PAPPA2: variants seen among roughly 807,000 people sequenced by gnomAD.
PAPPA2 encodes pappalysin 2.
In PAPPA2, 86 loss-of-function variants were observed where a neutral mutation model predicts 176.4. That is an observed-to-expected ratio of 0.49 (90% CI 0.41 to 0.58). The LOEUF (loss-of-function observed/expected upper bound fraction) is 0.58. PAPPA2 is among the 20% of genes least tolerant of loss of function. The pLI is 0.00. For missense variants in PAPPA2, 2,073 were observed against 2,256.9 expected, an observed-to-expected ratio of 0.92 and a Z score of 1.65; for synonymous variants, 809 against 852.2, an observed-to-expected ratio of 0.95 and a Z score of 0.88.
At chr1:176,835,567 T>C (rs1470566732) in intron 21 of PAPPA2, among the ~76,000 whole-genome samples, 1 of 152,198 alleles carries the variant, frequency 6.6e-6, no homozygotes, top group East Asian at 1.9e-4. Context: ...TCACCCAGAC[T>C]GGAGTGCAAT....
chr1:176,553,283 G>A (rs1267050594), intron 1 of PAPPA2, among the ~76,000 whole-genome samples: 1 of 140,532 alleles, frequency 7.1e-6, no homozygotes, highest in Non-Finnish European at 1.6e-5. Context: ...GGGGCTGAGG[G>A]AGGGAGGGGG....
At chr1:176,683,816 G>T (rs897376447) in intron 4 of PAPPA2, among the ~76,000 whole-genome samples, 3 of 152,024 alleles carry the variant, frequency 2.0e-5, no homozygotes, top group African/African-American at 7.2e-5. Flanking sequence ...CCATAATGAG[G>T]CAAGATCCCT....
intron 3 of PAPPA2, among the ~76,000 whole-genome samples, chr1:176,624,041 A>G (rs1655867043): frequency 6.6e-6 from 1 of 152,016 alleles, no homozygotes; most frequent in Non-Finnish European, 1.5e-5. Flanking sequence ...CAGTTTTGCC[A>G]TGCTTTCCAG....
intron 3 of PAPPA2, chr1:176,616,664 A>G (rs753088460): frequency 4.5e-6 from 7 of 1,559,474 alleles, no homozygotes; most frequent in Non-Finnish European, 6.2e-6. Context: ...CTATTGTGGT[A>G]GCTCCATACT....
intron 21 of PAPPA2, chr1:176,836,713 T>G (rs1416660279): frequency 6.6e-6 from 1 of 152,176 alleles, no homozygotes; most frequent in Non-Finnish European, 1.5e-5. Flanking sequence ...AGCCAGCTCC[T>G]AAAAGCAGAT....
chr1:176,746,210 A>G (rs1398017012), intron 14 of PAPPA2, among the ~76,000 whole-genome samples: 5 of 152,188 alleles, frequency 3.3e-5, no homozygotes, highest in African/African-American at 9.7e-5. Context: ...GCTAGCTGGT[A>G]AAGAGAAATG....
At chr1:176,739,297 A>G (rs1238441745) in intron 12 of PAPPA2, among the ~76,000 whole-genome samples, 1 of 152,086 alleles carries the variant, frequency 6.6e-6, no homozygotes, top group African/African-American at 2.4e-5. Flanking sequence ...GCAGTCATTT[A>G]TTGTCTCTGG....
intron 1 of PAPPA2, among the ~76,000 whole-genome samples, chr1:176,555,008 A>T (rs1382932969): frequency 3.2e-3 from 415 of 130,034 alleles, no homozygotes; most frequent in African/African-American, 0.011. Flanking sequence ...TGTGAGAGAG[A>T]GAGAGAGAGA....
chr1:176,578,999 T>C (rs1468141921), intron 2 of PAPPA2, among the ~76,000 whole-genome samples: 1 of 152,038 alleles, frequency 6.6e-6, no homozygotes, highest in Non-Finnish European at 1.5e-5. Flanking sequence ...ATTCCCAGGG[T>C]GGATTATACT....
chr1:176,466,499 G>C (rs1270398102), intron 1 of PAPPA2, among the ~76,000 whole-genome samples: 2 of 152,212 alleles, frequency 1.3e-5, no homozygotes, highest in African/African-American at 4.8e-5. Flanking sequence ...TATATTATGT[G>C]AGATGAAAAG....
intron 12 of PAPPA2, among the ~76,000 whole-genome samples, chr1:176,729,744 A>G (rs1662044700): frequency 2.0e-5 from 3 of 152,118 alleles, no homozygotes; most frequent in Admixed American, 2.0e-4. Context: ...CACAAAATTC[A>G]AGAACTTGCT....
intron 21 of PAPPA2, among the ~76,000 whole-genome samples, chr1:176,820,251 T>C (rs1666604125): frequency 6.6e-6 from 1 of 152,208 alleles, no homozygotes; most frequent in African/African-American, 2.4e-5. Context: ...AGGTTCTCCA[T>C]AGCCTTTTCA....
chr1:176,520,268 C>T (rs964510024), intron 1 of PAPPA2, among the ~76,000 whole-genome samples: 3 of 152,182 alleles, frequency 2.0e-5, no homozygotes, highest in Admixed American at 2.0e-4. Context: ...AGAGACTGTA[C>T]CATGCTGGAG....
chr1:176,471,582 G>T (rs1447743259), intron 1 of PAPPA2, among the ~76,000 whole-genome samples: 1 of 152,108 alleles, frequency 6.6e-6, no homozygotes, highest in Non-Finnish European at 1.5e-5. Flanking sequence ...TTTTGTCCCA[G>T]TTGCAATTTC....
chr1:176,739,418 A>C (rs1662565953), intron 12 of PAPPA2, among the ~76,000 whole-genome samples: 1 of 152,168 alleles, frequency 6.6e-6, no homozygotes, highest in South Asian at 2.1e-4. Context: ...TCAGCATCTG[A>C]AAATTATCTT....
chr1:176,727,872 T>A (rs1391893092), intron 12 of PAPPA2, among the ~76,000 whole-genome samples: 1 of 151,972 alleles, frequency 6.6e-6, no homozygotes, highest in East Asian at 1.9e-4. Flanking sequence ...ATCTAGGTCA[T>A]TCCCAAATTA....
At chr1:176,600,772 G>C (rs1654275089) in intron 3 of PAPPA2, among the ~76,000 whole-genome samples, 1 of 151,946 alleles carries the variant, frequency 6.6e-6, no homozygotes, top group Non-Finnish European at 1.5e-5. Flanking sequence ...TGCTTTGCGA[G>C]TCATCTATTG....
At chr1:176,626,215 C>G (rs1030276808) in intron 3 of PAPPA2, among the ~76,000 whole-genome samples, 2 of 152,080 alleles carry the variant, frequency 1.3e-5, no homozygotes, top group Non-Finnish European at 2.9e-5. Flanking sequence ...CCCTCATATC[C>G]TAATTTTTCT....
Position 176,671,042 on chromosome 1 carries a change from T to G in PAPPA2, c.2064T>G (p.Phe688Leu). ...GTACTCACTTCCTCAACATCTACTT[T>G]GCCAGCTCAGTGCGGGAAGACCTTG... ...LNSTHFLNIY[F>L]ASSVREDLAG... The change falls in exon 4 of 23, where the codon TTT becomes TTG. Residue 688 changes from phenylalanine (F) to leucine (L), a missense_variant. Physicochemically the swap from Phe to Leu is conservative, Grantham distance 22. Around this residue, in one of 4 missense-constraint regions of PAPPA2, gnomAD observed 1,196 missense variants for 1,330.4 expected, o/e 0.90. Transcript: ENST00000367662. The G allele has an allele frequency of 6.2e-7, 1 of 1,614,018 alleles. No individual in the cohort carries two copies. Among genetic ancestry groups the G allele is most frequent in the South Asian group, 1.1e-5 (1 of 91,078 alleles).
Sources: allele counts gnomAD v4.1 joint callset (sites outside exome capture counted in the v4.1 genomes callset), GRCh38; gene constraint gnomAD v4.1.1; regional missense constraint gnomAD v4.1.1; transcripts MANE v1.5; gene names NCBI Gene and HGNC (gene_info 2026-07-23, HGNC 2026-07-21).